The following OCRL variants were observed in gnomAD, a reference collection of about 807,000 sequenced individuals.
OCRL encodes the protein OCRL inositol polyphosphate-5-phosphatase, also known as inositol polyphosphate 5-phosphatase OCRL.
In OCRL, 8 loss-of-function variants were observed where a neutral mutation model predicts 78.9. The ratio of observed to expected loss-of-function variants is 0.10; its 90% CI spans 0.06 to 0.18. The LOEUF is 0.18. Ranked by LOEUF, OCRL falls within the 10% of genes least tolerant of loss-of-function variation. The probability of loss-of-function intolerance (pLI) is 1.00; values close to 1 mark genes in which losing one functional copy is unlikely to be tolerated. For missense variants in OCRL, 454 were observed against 696.7 expected (o/e 0.65, Z 3.92); for synonymous variants, 240 against 235.4 (o/e 1.02, Z -0.18).
chrX:129,548,401 C>T (rs1398727536), intron 3 of OCRL, among the ~76,000 whole-genome samples, 162 bp from the exon 4 acceptor site: 1 of 111,820 alleles, frequency 8.9e-6, no homozygotes, highest in African/African-American at 3.2e-5. Flanking sequence ...TATAAAAAAT[C>T]CCTTTAAAAA....
chrX:129,576,345 G>A lies in OCRL; in HGVS notation c.1908G>A (p.Val636=). ...AGACAGTGGACATTTCTCTTGATGT[G>A]TATGTCAGCAAAGACTCTGTAACCA... ...PNETVDISLD[V]YVSKDSVTIL... The change falls in exon 18 of 24, where the codon GTG becomes GTA. Residue 636 remains valine, a synonymous_variant. Coordinates refer to ENST00000371113, the MANE Select transcript of OCRL (RefSeq NM_000276.4). 4.1e-6 allele frequency: 5 copies of A among 1,208,532 alleles called. No individual in the cohort carries two copies. In the Admixed American group the frequency reaches 1.1e-4, roughly 26 times the overall value.
chrX:129,589,990 T>C (rs1416531199), intron 23 of OCRL, 34 bp downstream of exon 23: 1 of 1,138,865 alleles, frequency 8.8e-7, no homozygotes, highest in Non-Finnish European at 1.2e-6. Flanking sequence ...GGGCGTTTGT[T>C]GAGAATACTC....
intron 17 of OCRL, 71 bp from the exon 18 acceptor site, chrX:129,576,246 G>T: frequency 9.8e-7 from 1 of 1,022,789 alleles, no homozygotes; most frequent in South Asian, 1.9e-5. Flanking sequence ...CTTTTCTGTT[G>T]GTTCTTATAC....
intron 18 of OCRL, among the ~76,000 whole-genome samples, chrX:129,577,304 C>T (rs939562368): frequency 8.9e-6 from 1 of 111,760 alleles, no homozygotes; most frequent in African/African-American, 3.2e-5. Flanking sequence ...TCCCACCTCT[C>T]CCTCAAGCCA....
chrX:129,575,056 G>T, intron 15 of OCRL, 84 bp from the exon 16 acceptor site: 1 of 655,259 alleles, frequency 1.5e-6, no homozygotes, highest in South Asian at 2.2e-5. Context: ...TTACTGTAAT[G>T]ACCAGTTTTA....
At chrX:129,561,454 G>GA (rs1045325252) in intron 10 of OCRL, among the ~76,000 whole-genome samples, 161 bp downstream of exon 10, 1 of 108,769 alleles carries the variant, frequency 9.2e-6, no homozygotes, top group Non-Finnish European at 1.9e-5. Flanking sequence ...TTATTTCCTA[G>GA]AAAAAAAAAT....
rs1260713209 is a variant in OCRL at position 129,562,801 on chromosome X, C to A, written c.1244+15C>A. ...ATGAAACATGAGTAAGTGGTTAACT[C>A]ACCTGTAGCCTTTGAGTAGTGGCTA... On this transcript the variant is annotated intron_variant, in intron 12 of 23. Coordinates refer to ENST00000371113, the MANE Select transcript of OCRL (RefSeq NM_000276.4). 1.7e-6 allele frequency: 2 copies of A among 1,195,531 alleles called. No homozygotes were observed. The highest frequency in any genetic ancestry group is 2.3e-6 in the Non-Finnish European group (2 of 882,215).
At chrX:129,577,335 T>G (rs1936381935) in intron 18 of OCRL, among the ~76,000 whole-genome samples, 1 of 112,500 alleles carries the variant, frequency 8.9e-6, no homozygotes, top group African/African-American at 3.2e-5. Flanking sequence ...TTAATGTTTT[T>G]ATGAAGGAAG....
intron 3 of OCRL, among the ~76,000 whole-genome samples, chrX:129,548,109 T>C (rs1935913945): frequency 9.0e-6 from 1 of 111,580 alleles, no homozygotes; most frequent in South Asian, 3.7e-4. Flanking sequence ...CACTGGGAAA[T>C]TTTCAGAGAA....
intron 15 of OCRL, among the ~76,000 whole-genome samples, chrX:129,573,260 G>GA (rs11440167): frequency 0.18 from 20,129 of 111,060 alleles, 3,397 homozygotes; most frequent in East Asian, 0.69. Flanking sequence ...TACAAGTGCA[G>GA]AACGTATAGG....
intron 18 of OCRL, among the ~76,000 whole-genome samples, chrX:129,577,803 G>A (rs1273041570): frequency 2.7e-5 from 3 of 111,851 alleles, no homozygotes; most frequent in South Asian, 3.7e-4. Flanking sequence ...ATATCCTACC[G>A]TTCTGCTGTT....
At chrX:129,541,616 A>G (rs1250435137) in intron 2 of OCRL, among the ~76,000 whole-genome samples, 1 of 112,308 alleles carries the variant, frequency 8.9e-6, no homozygotes, top group Non-Finnish European at 1.9e-5. Context: ...ACCATTACGT[A>G]TCATAGGCCC....
intron 2 of OCRL, among the ~76,000 whole-genome samples, chrX:129,544,428 C>G (rs901037634): frequency 1.6e-4 from 18 of 111,435 alleles, no homozygotes; most frequent in African/African-American, 5.9e-4. Context: ...TGGCTGAGCA[C>G]CCCCTCTTAC....
At chrX:129,557,257 T>G in intron 4 of OCRL, 68 bp from the exon 5 acceptor site, 2 of 925,411 alleles carry the variant, frequency 2.2e-6, no homozygotes, top group Non-Finnish European at 3.1e-6. Flanking sequence ...CCTGATAAGT[T>G]GAGAATATGA....
chrX:129,557,376 A>AAAT lies in OCRL; in HGVS notation c.291_293dup (p.Ile98dup). 8.3e-7 allele frequency: 1 copy of AAAT among 1,211,647 alleles called. No homozygotes were observed. Among genetic ancestry groups the AAAT allele is most frequent in the South Asian group, 1.8e-5 (1 of 56,960 alleles). On this transcript the variant is annotated inframe_insertion, in exon 5 of 24. Coordinates refer to ENST00000371113, the MANE Select transcript of OCRL (RefSeq NM_000276.4). ...GACTGGATCAGAGAGCGCCGCTTTGAAATCCCTGATGAGGAACACTGTTTG... is the reference window on the plus strand; with the variant it reads ...GACTGGATCAGAGAGCGCCGCTTTGAAATAATCCCTGATGAGGAACACTGTTTG...
At chrX:129,576,626 T>A in intron 18 of OCRL, 74 bp downstream of exon 18, 2 of 807,755 alleles carry the variant, frequency 2.5e-6, no homozygotes, top group South Asian at 2.2e-5. Context: ...CCTCATTATC[T>A]TTGTGCTTTC....
intron 16 of OCRL, 188 bp from the exon 17 acceptor site, chrX:129,575,706 CCTT>C (rs1313708808): frequency 8.3e-6 from 4 of 483,086 alleles, no homozygotes; most frequent in East Asian, 3.7e-5. Flanking sequence ...CCACCTAACT[CCTT>C]CTCTGCTGGT....
chrX:129,560,576 A>G lies in OCRL; in HGVS notation c.749A>G (p.Asn250Ser). ...FRFFVGTWNV[N>S]GQSPDSGLEP... Reference sequence around the variant, plus strand: ...TTTTTTGTTGGAACTTGGAATGTGAATGGCCAGTCTCCAGATAGCGGGTTA... The same window carrying G: ...TTTTTTGTTGGAACTTGGAATGTGAGTGGCCAGTCTCCAGATAGCGGGTTA... Residue 250 changes from asparagine to serine, a missense_variant, in exon 9 of 24, where the codon AAT becomes AGT. Around this residue, in one of 2 missense-constraint regions of OCRL, gnomAD observed 277 missense variants for 517.1 expected, o/e 0.54. Coordinates refer to ENST00000371113, the MANE Select transcript of OCRL (RefSeq NM_000276.4). The G allele has an allele frequency of 8.3e-7, 1 of 1,201,743 alleles. No individual in the cohort carries two copies. Among genetic ancestry groups the G allele is most frequent in the Non-Finnish European group, 1.1e-6 (1 of 886,742 alleles).
Position 129,576,448 on chromosome X carries a change from A to G in OCRL, c.2011A>G (p.Ile671Val), listed in dbSNP as rs1034271503. The G allele has an allele frequency of 3.3e-6, 4 of 1,208,924 alleles. No individual in the cohort carries two copies. The African/African-American group carries it at 5.2e-5, about 16-fold the overall frequency. The change falls in exon 18 of 24, where the codon ATC (isoleucine) becomes GTC (valine). Residue 671 changes from isoleucine to valine, a missense_variant. Coordinates refer to ENST00000371113, the MANE Select transcript of OCRL (RefSeq NM_000276.4). ...TCGAGGCAAAGATTACTTCTTGACTATCAGTGGAAATTACCTCCCAAGTTG... is the reference window on the plus strand; with the variant it reads ...TCGAGGCAAAGATTACTTCTTGACTGTCAGTGGAAATTACCTCCCAAGTTG... ...LDRGKDYFLT[I>V]SGNYLPSCFG...
Sources: allele counts gnomAD v4.1 joint callset (sites outside exome capture counted in the v4.1 genomes callset), GRCh38; gene constraint gnomAD v4.1.1; regional missense constraint gnomAD v4.1.1; transcripts MANE v1.5; gene names NCBI Gene and HGNC (gene_info 2026-07-23, HGNC 2026-07-21).